The following SNTG1 variants were observed in gnomAD, a reference collection of about 807,000 sequenced individuals.
SNTG1 encodes syntrophin gamma 1.
SNTG1 carries 39 observed loss-of-function variants against 74.7 expected under a neutral mutation model. The observed-to-expected ratio is 0.52, with a 90% CI of 0.40 to 0.68. The LOEUF is 0.68. Among genes scored for constraint, SNTG1 ranks in the 30% least tolerant of loss-of-function variants. SNTG1 has a pLI of 0.00. For synonymous variants in SNTG1, 254 were observed against 217.1 expected, an observed-to-expected ratio of 1.17 and a Z score of -1.49; for missense variants, 685 against 609.5, an observed-to-expected ratio of 1.12 and a Z score of -1.30.
At chr8:50,428,378 C>T (rs2093190957) in intron 4 of SNTG1, among the ~76,000 whole-genome samples, 1 of 152,060 alleles carries the variant, frequency 6.6e-6, no homozygotes, top group Non-Finnish European at 1.5e-5. Context: ...CTCCTAGTTC[C>T]TGCATTTCAA....
At chr8:50,729,720 G>A (rs977685966) in intron 17 of SNTG1, among the ~76,000 whole-genome samples, 28 of 152,176 alleles carry the variant, frequency 1.8e-4, no homozygotes, top group African/African-American at 5.8e-4. Flanking sequence ...TGTATGTAAA[G>A]AGGAAGGGAG....
intron 2 of SNTG1, among the ~76,000 whole-genome samples, chr8:50,320,409 A>G (rs1387310409): frequency 6.6e-6 from 1 of 151,824 alleles, no homozygotes; most frequent in Non-Finnish European, 1.5e-5. Flanking sequence ...TCTTTTTTTC[A>G]TAGTTAGTCT....
intron 1 of SNTG1, among the ~76,000 whole-genome samples, chr8:50,096,947 A>G (rs1359657262): frequency 6.6e-6 from 1 of 152,068 alleles, no homozygotes; most frequent in Non-Finnish European, 1.5e-5. Flanking sequence ...AAAACACTGA[A>G]TTCTTACTAA....
intron 2 of SNTG1, among the ~76,000 whole-genome samples, chr8:50,273,314 A>C (rs1367038878): frequency 1.3e-5 from 2 of 152,222 alleles, no homozygotes; most frequent in Non-Finnish European, 2.9e-5. Flanking sequence ...TTTGAAAAAC[A>C]CAAGTTCTGA....
chr8:50,743,305 T>C (rs1386345069), intron 17 of SNTG1, among the ~76,000 whole-genome samples: 1 of 151,924 alleles, frequency 6.6e-6, no homozygotes, highest in Admixed American at 6.6e-5. Context: ...TTATACACCA[T>C]GGCCAAGTAG....
intron 2 of SNTG1, among the ~76,000 whole-genome samples, chr8:50,292,809 T>C (rs1038836175): frequency 3.3e-5 from 5 of 152,170 alleles, no homozygotes; most frequent in African/African-American, 1.2e-4. Flanking sequence ...ATCCATAACC[T>C]ACAGGTGGCA....
intron 9 of SNTG1, among the ~76,000 whole-genome samples, chr8:50,510,650 GTA>G (rs2094061836): frequency 6.6e-6 from 1 of 152,152 alleles, no homozygotes; most frequent in South Asian, 2.1e-4. Flanking sequence ...TTGGGAGGGT[GTA>G]TATGTCGAGG....
At chr8:50,637,367 C>T (rs1483642) in intron 13 of SNTG1, among the ~76,000 whole-genome samples, 84,687 of 151,712 alleles carry the variant, frequency 0.56, 25,803 homozygotes, top group Non-Finnish European at 0.68. Flanking sequence ...AAATGTCCCA[C>T]GAAGTTAATT....
chr8:50,700,804 C>A (rs1013889995), intron 15 of SNTG1, among the ~76,000 whole-genome samples: 2 of 152,076 alleles, frequency 1.3e-5, no homozygotes, highest in Admixed American at 6.6e-5. Context: ...TAAAATGAGA[C>A]CTGGGTGCTC....
rs775345159 is a variant in SNTG1, at chr8:50,658,658, C to T, written c.1033C>T (p.Leu345Phe). The T allele has an allele frequency of 4.4e-6, 7 of 1,608,388 alleles. No individual in the cohort carries two copies. Among genetic ancestry groups the T allele is most frequent in the Admixed American group, 3.4e-5 (2 of 59,568 alleles). Residue 345 changes from leucine to phenylalanine, a missense_variant, in exon 15 of 19, where the codon CTC becomes TTC. Coordinates refer to ENST00000642720, the MANE Select transcript of SNTG1 (RefSeq NM_018967.5). The part of the protein sequence containing the change: ...FSVYEIMCKI[L>F]KDSDLLDRRK... ...AGTTTATGAGATTATGTGCAAGATCCTCAAGGTATGATCAATATGTAGTCA... is the reference window on the plus strand; with the variant it reads ...AGTTTATGAGATTATGTGCAAGATCTTCAAGGTATGATCAATATGTAGTCA...
At chr8:50,526,766 G>T (rs939405175) in intron 9 of SNTG1, among the ~76,000 whole-genome samples, 1 of 152,002 alleles carries the variant, frequency 6.6e-6, no homozygotes, top group Non-Finnish European at 1.5e-5. Flanking sequence ...TGGGACTACA[G>T]GCGCTTGCCA....
At chr8:49,978,236 GGGGAGAGA>G (rs1563423016) in intron 1 of SNTG1, among the ~76,000 whole-genome samples, 1 of 151,888 alleles carries the variant, frequency 6.6e-6, no homozygotes, top group Non-Finnish European at 1.5e-5. Flanking sequence ...AGAGAGAGCG[GGGGAGAGA>G]GGGAGAGAGA....
intron 9 of SNTG1, among the ~76,000 whole-genome samples, chr8:50,516,646 A>T (rs569166738): frequency 6.6e-6 from 1 of 152,358 alleles, no homozygotes; most frequent in Admixed American, 6.5e-5. Context: ...TTTGTGAAGC[A>T]TGCACAAGTA....
At chr8:50,515,743 G>A (rs199709424) in intron 9 of SNTG1, among the ~76,000 whole-genome samples, 1 of 152,282 alleles carries the variant, frequency 6.6e-6, no homozygotes, top group East Asian at 1.9e-4. Flanking sequence ...TAGCCAGACT[G>A]CCTCTCTAGA....
intron 9 of SNTG1, among the ~76,000 whole-genome samples, chr8:50,511,167 T>A (rs1349653318): frequency 6.6e-6 from 1 of 152,210 alleles, no homozygotes; most frequent in Non-Finnish European, 1.5e-5. Context: ...CTTCATTTAG[T>A]TATATACCCA....
chr8:50,429,087 T>A (rs994914631), intron 4 of SNTG1, among the ~76,000 whole-genome samples: 1 of 151,928 alleles, frequency 6.6e-6, no homozygotes, highest in Middle Eastern at 3.4e-3. Context: ...TTGATCTACA[T>A]TATAAATCCC....
At chr8:50,074,253 A>G (rs1821626334) in intron 1 of SNTG1, among the ~76,000 whole-genome samples, 1 of 152,148 alleles carries the variant, frequency 6.6e-6, no homozygotes, top group Non-Finnish European at 1.5e-5. Context: ...AAACCTCATG[A>G]ATCAGCACCT....
chr8:50,775,585 T>C (rs1480191096), intron 18 of SNTG1, among the ~76,000 whole-genome samples: 1 of 151,658 alleles, frequency 6.6e-6, no homozygotes, highest in Admixed American at 6.6e-5. Flanking sequence ...TAATGTATAT[T>C]CTATTTGTAT....
At chr8:50,602,072 G>T (rs1007201037) in intron 13 of SNTG1, among the ~76,000 whole-genome samples, 3 of 151,620 alleles carry the variant, frequency 2.0e-5, no homozygotes, top group African/African-American at 7.3e-5. Flanking sequence ...AATCCATTCT[G>T]CCACTCTATG....
Sources: gnomAD v4.1 joint callset for allele counts (sites outside exome capture counted in the v4.1 genomes callset) on GRCh38, gnomAD v4.1.1 for gene constraint, MANE v1.5 for transcripts, NCBI Gene and HGNC (gene_info 2026-07-23, HGNC 2026-07-21) for gene names.